SLC26A7: variants seen among roughly 807,000 people sequenced by gnomAD.
SLC26A7 encodes anion exchange transporter.
In SLC26A7, 59 loss-of-function variants were observed where a neutral mutation model predicts 82.5. The ratio of observed to expected loss-of-function variants is 0.72; its 90% confidence interval spans 0.58 to 0.89. The LOEUF (loss-of-function observed/expected upper bound fraction) is 0.89, where lower values mean the gene tolerates loss of function less well. Ranked by LOEUF, SLC26A7 falls within the 40% of genes least tolerant of loss-of-function variation. The probability of loss-of-function intolerance (pLI) is 0.00; values close to 1 mark genes in which losing one functional copy is unlikely to be tolerated. For missense variants in SLC26A7, 820 were observed against 793.0 expected, an observed-to-expected ratio of 1.03 and a Z score of -0.41; for synonymous variants, 271 against 274.3, an observed-to-expected ratio of 0.99 and a Z score of 0.12.
At chr8:91,394,988 C>T in intron 18 of SLC26A7, 74 bp from the exon 19 acceptor site, 1 of 1,520,778 alleles carries the variant, frequency 6.6e-7, no homozygotes, top group Non-Finnish European at 9.1e-7. Context: ...TCAGTTACTA[C>T]TGTTCTTTTA....
At chr8:91,378,918 T>C (rs1814593669) in intron 15 of SLC26A7, among the ~76,000 whole-genome samples, 1 of 152,028 alleles carries the variant, frequency 6.6e-6, no homozygotes, top group Non-Finnish European at 1.5e-5. Flanking sequence ...AATTGTTTAT[T>C]TAAAATATAA....
At chr8:91,210,224 G>C (rs141959431) in intron 1 of SLC26A7, among the ~76,000 whole-genome samples, 2 of 152,124 alleles carry the variant, frequency 1.3e-5, no homozygotes, top group African/African-American at 4.8e-5. Context: ...GCAAAGTTAA[G>C]TAGTTTGTTC....
At chr8:91,287,482 A>G (rs1477073661) in intron 2 of SLC26A7, among the ~76,000 whole-genome samples, 1 of 152,184 alleles carries the variant, frequency 6.6e-6, no homozygotes, top group Non-Finnish European at 1.5e-5. Flanking sequence ...ACCTCTGAAC[A>G]ATTTTGATCC....
intron 5 of SLC26A7, among the ~76,000 whole-genome samples, chr8:91,328,956 T>C (rs977641054): frequency 1.3e-5 from 2 of 152,160 alleles, no homozygotes; most frequent in African/African-American, 4.8e-5. Context: ...AGTCTCAAAA[T>C]GAGCTGAACT....
intron 2 of SLC26A7, among the ~76,000 whole-genome samples, chr8:91,253,780 C>T (rs1035480732): frequency 6.6e-6 from 1 of 152,016 alleles, no homozygotes; most frequent in African/African-American, 2.4e-5. Context: ...TATCTTGCTA[C>T]AACTCTTTCC....
At chr8:91,373,298 T>A (rs920521018) in intron 15 of SLC26A7, among the ~76,000 whole-genome samples, 1 of 152,068 alleles carries the variant, frequency 6.6e-6, no homozygotes, top group Non-Finnish European at 1.5e-5. Flanking sequence ...CCTTGTGTTG[T>A]TCCAGTTCTT....
At chr8:91,312,952 TCTGTTG>T (rs767989639) in intron 4 of SLC26A7, among the ~76,000 whole-genome samples, 5 of 152,286 alleles carry the variant, frequency 3.3e-5, no homozygotes, top group Non-Finnish European at 4.4e-5. Context: ...TCTGTTTTAT[TCTGTTG>T]ATAGAGTCTT....
At chr8:91,383,759 G>A (rs1304036638) in intron 15 of SLC26A7, among the ~76,000 whole-genome samples, 1 of 152,010 alleles carries the variant, frequency 6.6e-6, no homozygotes, top group Admixed American at 6.6e-5. Flanking sequence ...TGACTTGCTG[G>A]GTCTACCTCC....
At chr8:91,358,120 G>A (rs1210511131) in intron 11 of SLC26A7, among the ~76,000 whole-genome samples, 2 of 152,174 alleles carry the variant, frequency 1.3e-5, no homozygotes, top group East Asian at 1.9e-4. Context: ...ACAGGTGCTG[G>A]AGAGGATGTG....
At chr8:91,340,598 C>A (rs1213536144) in intron 8 of SLC26A7, 47 bp downstream of exon 8, 3 of 1,604,304 alleles carry the variant, frequency 1.9e-6, no homozygotes, top group Admixed American at 3.3e-5. Context: ...TATCATTGCA[C>A]TGTGCACTCC....
intron 1 of SLC26A7, 23 bp from the exon 2 acceptor site, chr8:91,249,513 CTTT>C: frequency 1.8e-6 from 1 of 541,526 alleles, no homozygotes; most frequent in Non-Finnish European, 3.0e-6. Context: ...CTCTCTCTCT[CTTT>C]TATTTACTTA....
intron 13 of SLC26A7, among the ~76,000 whole-genome samples, chr8:91,366,008 A>G (rs1814182503): frequency 6.6e-6 from 1 of 152,166 alleles, no homozygotes; most frequent in South Asian, 2.1e-4. Context: ...CTTCCTTTCT[A>G]TATTGCTCAC....
At chr8:91,288,554 G>C (rs549988409) in intron 2 of SLC26A7, among the ~76,000 whole-genome samples, 19 of 152,234 alleles carry the variant, frequency 1.2e-4, no homozygotes, top group African/African-American at 4.6e-4. Flanking sequence ...CTAAGACACT[G>C]TACCTGAAAT....
At chr8:91,236,951 T>G (rs1014411015) in intron 2 of SLC26A7, among the ~76,000 whole-genome samples, 9 of 152,212 alleles carry the variant, frequency 5.9e-5, no homozygotes, top group African/African-American at 1.9e-4. Context: ...GCTTTGTACT[T>G]TAGGTAAATT....
At chr8:91,313,899 T>A (rs2130802412) in intron 4 of SLC26A7, among the ~76,000 whole-genome samples, 1 of 152,342 alleles carries the variant, frequency 6.6e-6, no homozygotes, top group African/African-American at 2.4e-5. Flanking sequence ...TTGTTTCCTA[T>A]GTACTCTTTG....
At chr8:91,368,426 T>TTG (rs1554614377) in intron 14 of SLC26A7, among the ~76,000 whole-genome samples, 37 of 147,458 alleles carry the variant, frequency 2.5e-4, no homozygotes, top group African/African-American at 8.4e-4. Context: ...TTTTTTTTTG[T>TTG]TTTTTTTTTT....
intron 2 of SLC26A7, among the ~76,000 whole-genome samples, chr8:91,222,580 T>C (rs1461035329): frequency 6.6e-6 from 1 of 152,242 alleles, no homozygotes; most frequent in Non-Finnish European, 1.5e-5. Context: ...TATTGAATTT[T>C]ATCAAAGGCC....
chr8:91,246,604 G>A (rs1406704272), upstream of SLC26A7, among the ~76,000 whole-genome samples: 3 of 152,052 alleles, frequency 2.0e-5, no homozygotes, highest in African/African-American at 7.2e-5. Flanking sequence ...GGAGGCTGAA[G>A]CAGGAGAATC....
intron 5 of SLC26A7, among the ~76,000 whole-genome samples, chr8:91,320,542 T>C (rs539037363): frequency 6.6e-6 from 1 of 152,312 alleles, no homozygotes; most frequent in South Asian, 2.1e-4. Flanking sequence ...GTGATCTGAG[T>C]GTTAGATTAA....
Sources: allele counts gnomAD v4.1 joint callset (sites outside exome capture counted in the v4.1 genomes callset), GRCh38; gene constraint gnomAD v4.1.1; transcripts MANE v1.5; gene names NCBI Gene and HGNC (gene_info 2026-07-23, HGNC 2026-07-21).